The following CHODL variants were observed in gnomAD, a reference collection of about 807,000 sequenced individuals.
CHODL encodes the protein chondrolectin, also known as transmembrane protein MT75.
In CHODL, 29 loss-of-function variants were observed where a neutral mutation model predicts 34.5. The ratio of observed to expected loss-of-function variants is 0.84; its 90% confidence interval spans 0.63 to 1.15. The LOEUF (loss-of-function observed/expected upper bound fraction) is 1.15. Ranked by LOEUF, CHODL falls within the 50% of genes most tolerant of loss-of-function variation. CHODL has a pLI of 0.00. For synonymous variants in CHODL, 125 were observed against 116.1 expected (o/e 1.08, Z -0.49); for missense variants, 332 against 332.5 (o/e 1.00, Z 0.01).
intron 1 of CHODL, among the ~76,000 whole-genome samples, chr21:17,999,537 A>G (rs1467898048): frequency 6.6e-6 from 1 of 152,248 alleles, no homozygotes; most frequent in African/African-American, 2.4e-5. Flanking sequence ...TTGCATTTTC[A>G]GTTCCCCATG....
chr21:18,000,482 T>C (rs918730706), intron 1 of CHODL, among the ~76,000 whole-genome samples: 1 of 152,228 alleles, frequency 6.6e-6, no homozygotes. Flanking sequence ...TTGATGACGA[T>C]AAGTTGCTTA....
At chr21:17,946,313 G>A (rs961875562) in intron 1 of CHODL, among the ~76,000 whole-genome samples, 1 of 152,154 alleles carries the variant, frequency 6.6e-6, no homozygotes, top group African/African-American at 2.4e-5. Flanking sequence ...CAGCTACTCG[G>A]GAGGCTGAGG....
chr21:18,142,034 G>A (rs116236405), intron 2 of CHODL, among the ~76,000 whole-genome samples: 7 of 152,094 alleles, frequency 4.6e-5, no homozygotes, highest in African/African-American at 7.2e-5. Context: ...CAAAGAATTC[G>A]GAAATTACAG....
chr21:17,959,731 T>C (rs1187424214), intron 1 of CHODL, among the ~76,000 whole-genome samples: 1 of 152,200 alleles, frequency 6.6e-6, no homozygotes, highest in Non-Finnish European at 1.5e-5. Flanking sequence ...ATTTGTAATT[T>C]AGAGAAAGTA....
upstream of CHODL, among the ~76,000 whole-genome samples, chr21:18,244,355 A>G (rs1467595685): frequency 4.6e-5 from 7 of 152,182 alleles, no homozygotes; most frequent in South Asian, 6.2e-4. Flanking sequence ...GAGATAATCT[A>G]TTTGCAGAAC....
intron 5 of CHODL, among the ~76,000 whole-genome samples, chr21:18,263,405 C>T (rs781294215): frequency 3.9e-5 from 6 of 152,034 alleles, no homozygotes; most frequent in Non-Finnish European, 8.8e-5. Flanking sequence ...TAAAATACAG[C>T]GGTTCAAACA....
intron 1 of CHODL, among the ~76,000 whole-genome samples, chr21:18,000,906 T>A (rs757867428): frequency 1.2e-4 from 19 of 152,204 alleles, no homozygotes; most frequent in African/African-American, 1.7e-4. Flanking sequence ...GTTTCAAATT[T>A]CAACACTGAA....
At chr21:17,934,369 C>G (rs1428474391) in intron 1 of CHODL, among the ~76,000 whole-genome samples, 1 of 152,096 alleles carries the variant, frequency 6.6e-6, no homozygotes, top group Non-Finnish European at 1.5e-5. Flanking sequence ...CCACTTAACA[C>G]AATTTGGTAA....
intron 2 of CHODL, among the ~76,000 whole-genome samples, chr21:18,085,641 G>C (rs1316323701): frequency 1.3e-5 from 2 of 152,190 alleles, no homozygotes; most frequent in Non-Finnish European, 2.9e-5. Flanking sequence ...GCAATTCTTG[G>C]TGGACAGTTT....
intron 2 of CHODL, among the ~76,000 whole-genome samples, chr21:18,095,446 G>C (rs2065128772): frequency 6.6e-6 from 1 of 152,050 alleles, no homozygotes; most frequent in Non-Finnish European, 1.5e-5. Flanking sequence ...AACCTATTAA[G>C]ATTGAACCAT....
At chr21:18,013,635 CTTT>C (rs1212894827) in intron 1 of CHODL, among the ~76,000 whole-genome samples, 2 of 71,888 alleles carry the variant, frequency 2.8e-5, no homozygotes. Flanking sequence ...GCTGCTGCTG[CTTT>C]TTTTTTTTTT....
chr21:17,999,512 A>T (rs763289096), intron 1 of CHODL, among the ~76,000 whole-genome samples: 1 of 151,524 alleles, frequency 6.6e-6, no homozygotes, highest in Non-Finnish European at 1.5e-5. Context: ...AAACTGTGGA[A>T]AAAAAAAGGT....
intron 1 of CHODL, among the ~76,000 whole-genome samples, chr21:17,995,554 G>T (rs745772827): frequency 6.6e-6 from 1 of 152,104 alleles, no homozygotes; most frequent in Non-Finnish European, 1.5e-5. Context: ...TTGCTGTTTT[G>T]GTCCTTCTTT....
chr21:18,216,457 A>G (rs1158844040), intron 2 of CHODL, among the ~76,000 whole-genome samples: 39 of 152,142 alleles, frequency 2.6e-4, no homozygotes, highest in Admixed American at 2.6e-3. Context: ...TCCCACTCAT[A>G]GGTAACAACA....
intron 1 of CHODL, among the ~76,000 whole-genome samples, chr21:18,023,535 G>A (rs1370441295): frequency 6.6e-6 from 1 of 152,086 alleles, no homozygotes; most frequent in African/African-American, 2.4e-5. Flanking sequence ...AATGTGTGGA[G>A]TTGTTGGCTG....
chr21:18,057,308 C>T (rs1200723748), intron 2 of CHODL, among the ~76,000 whole-genome samples: 1 of 152,062 alleles, frequency 6.6e-6, no homozygotes, highest in Non-Finnish European at 1.5e-5. Flanking sequence ...CTGTCTCTAT[C>T]TGAAGTGAAT....
chr21:17,978,418 T>TA (rs2063685386), intron 1 of CHODL, among the ~76,000 whole-genome samples: 1 of 105,898 alleles, frequency 9.4e-6, no homozygotes, highest in African/African-American at 3.8e-5. Context: ...CGAGACTCCG[T>TA]ATCAAAAAAA....
At chr21:18,197,473 C>T (rs1426345773) in intron 2 of CHODL, among the ~76,000 whole-genome samples, 6 of 152,036 alleles carry the variant, frequency 3.9e-5, no homozygotes, top group Non-Finnish European at 5.9e-5. Context: ...ATTAGCCGGG[C>T]GTGGTGGTGG....
intron 2 of CHODL, among the ~76,000 whole-genome samples, chr21:18,131,166 G>C (rs73200974): frequency 0.07 from 10,702 of 151,990 alleles, 406 homozygotes; most frequent in Middle Eastern, 0.12. Flanking sequence ...GAGAGAGAGA[G>C]AGATTGAAAA....
Sources: gnomAD v4.1 joint callset for allele counts (sites outside exome capture counted in the v4.1 genomes callset) on GRCh38, gnomAD v4.1.1 for gene constraint, MANE v1.5 for transcripts, NCBI Gene and HGNC (gene_info 2026-07-23, HGNC 2026-07-21) for gene names.